PCDHA6: variants seen among roughly 807,000 people sequenced by gnomAD.
PCDHA6 encodes the protein protocadherin alpha 6.
A neutral mutation model predicts 60.3 loss-of-function variants in PCDHA6; 55 were observed. The ratio of observed to expected loss-of-function variants is 0.91; its 90% CI spans 0.73 to 1.14. The LOEUF (loss-of-function observed/expected upper bound fraction) is 1.14. Among genes scored for constraint, PCDHA6 ranks in the 50% most tolerant of loss-of-function variants. The pLI is 0.00. For synonymous variants in PCDHA6, 652 were observed against 557.9 expected (o/e 1.17, Z -2.38); for missense variants, 1,327 against 1,256.5 (o/e 1.06, Z -0.85).
rs114148884 is a variant in PCDHA6 at position 140,924,440 on chromosome 5, C to T, written c.2395-54509C>T. ...CTTTCTAGTTCCCTAGAAGAGATAA[C>T]GAATGGGTTTGTGTGTTTAGGGAGG... On this transcript the variant is annotated intron_variant, in intron 1 of 3. Coordinates refer to ENST00000529310, the MANE Select transcript of PCDHA6 (RefSeq NM_018909.4). Among the ~76,000 whole-genome samples, 538 of 152,252 alleles carry T rather than the reference C, an allele frequency of 3.5e-3. 4 individuals are homozygous for T. Among genetic ancestry groups the T allele is most frequent in the African/African-American group, 0.012 (480 of 41,540 alleles).
intron 1 of PCDHA6, among the ~76,000 whole-genome samples, chr5:140,965,508 T>C (rs1278735339): frequency 6.6e-6 from 1 of 152,124 alleles, no homozygotes; most frequent in Non-Finnish European, 1.5e-5. Context: ...TTTTTTTTTT[T>C]TTTAACTGCA....
At position 140,877,386 on chromosome 5, in the gene PCDHA6, T is replaced by G. The variant is rs782310487; in HGVS notation, c.2394+46901T>G. 5 of 1,613,816 alleles carry G rather than the reference T, an allele frequency of 3.1e-6. No individual in the cohort carries two copies. In the African/African-American group the frequency reaches 6.7e-5, roughly 22 times the overall value. On this transcript the variant is annotated intron_variant, in intron 1 of 3. Coordinates refer to ENST00000529310, the MANE Select transcript of PCDHA6 (RefSeq NM_018909.4). ...AGATCAGCACGACACGCATCCTGGA[T>G]GAGGCGGACGCTCCGCGCCACCGCC... is the stretch of plus-strand genomic sequence containing the variant.
chr5:140,967,775 G>A, intron 1 of PCDHA6: 2 of 1,614,200 alleles, frequency 1.2e-6, no homozygotes, highest in South Asian at 2.2e-5. Context: ...CTATGTGCAG[G>A]CGACTGACCG....
intron 1 of PCDHA6, chr5:140,835,872 C>T: frequency 6.2e-7 from 1 of 1,612,050 alleles, no homozygotes; most frequent in Non-Finnish European, 8.5e-7. Flanking sequence ...GCTGGTGGAG[C>T]TGCGGGTGGG....
At position 140,828,257 on chromosome 5, in the gene PCDHA6, C is replaced by G. The variant is rs2150153164; in HGVS notation, c.166C>G (p.Leu56Val). The part of the protein sequence containing the change: ...GRIAQDLGLE[L>V]AELVPRLFRM... ...GATCGCGCAGGACCTGGGGCTGGAG[C>G]TGGCGGAGCTGGTGCCGCGCCTGTT... Residue 56 changes from leucine to valine, a missense_variant, in exon 1 of 4, where the codon CTG (leucine) becomes GTG (valine). By Grantham distance (32) the Leu-to-Val change is conservative. Coordinates refer to ENST00000529310, the MANE Select transcript of PCDHA6 (RefSeq NM_018909.4). The G allele has an allele frequency of 1.9e-5, 31 of 1,613,872 alleles. No individual in the cohort carries two copies. The highest frequency in any genetic ancestry group is 2.5e-5 in the Non-Finnish European group (30 of 1,180,056).
chr5:140,862,882 G>T (rs782187514), intron 1 of PCDHA6: 2 of 564,526 alleles, frequency 3.5e-6, no homozygotes, highest in Non-Finnish European at 6.8e-6. Flanking sequence ...TATTAGTGCT[G>T]GAACGACAAC....
At chr5:140,869,304 G>A (rs1554162871) in intron 1 of PCDHA6, 3 of 1,613,648 alleles carry the variant, frequency 1.9e-6, no homozygotes, top group South Asian at 1.1e-5. Context: ...TCCGGGTGGC[G>A]TCCAAAACAC....
chr5:140,857,951 G>A (rs569786768), intron 1 of PCDHA6: 8 of 1,597,390 alleles, frequency 5.0e-6, no homozygotes, highest in East Asian at 4.5e-5. Flanking sequence ...TACGACGCGC[G>A]CTCTGGATGA....
chr5:140,828,934 T>G lies in PCDHA6; in HGVS notation c.843T>G (p.Phe281Leu). The G allele has an allele frequency of 6.2e-7, 1 of 1,614,266 alleles. No homozygotes were observed. The highest frequency in any genetic ancestry group is 8.5e-7 in the Non-Finnish European group (1 of 1,180,048). The part of the protein sequence containing the change: ...EGANGAISYS[F>L]NSLVAAMVID... ...CGAATGGGGCAATTTCATATTCTTT[T>G]AATAGCCTTGTTGCAGCCATGGTTA... Residue 281 changes from phenylalanine (F) to leucine (L), a missense_variant, in exon 1 of 4, where the codon TTT (phenylalanine) becomes TTG (leucine). Phe to Leu is a conservative substitution (Grantham distance 22). Coordinates refer to ENST00000529310, the MANE Select transcript of PCDHA6 (RefSeq NM_018909.4).
intron 1 of PCDHA6, among the ~76,000 whole-genome samples, chr5:140,838,110 GTGTGT>G (rs1775541794): frequency 6.7e-6 from 1 of 149,788 alleles, no homozygotes; most frequent in Admixed American, 6.7e-5. Flanking sequence ...GTGTGTGTGT[GTGTGT>G]GTGTGTGTGT....
intron 1 of PCDHA6, among the ~76,000 whole-genome samples, chr5:140,899,649 G>T (rs1405894081): frequency 6.6e-6 from 1 of 152,130 alleles, no homozygotes; most frequent in Non-Finnish European, 1.5e-5. Flanking sequence ...CTCTTATTTG[G>T]TTGTGTCTCT....
In PCDHA6 at chr5:140,835,249, T is replaced by TA. The variant is rs2150232715; in HGVS notation, c.2394+4768dup. ...TTCTCCAGTGATGTTTCTCCAGATA[T>TA]AAAATCCAAGTTCCACATGGACCCC... On this transcript the variant is annotated intron_variant, in intron 1 of 3. Transcript: ENST00000529310. 20 of 1,605,414 alleles carry TA rather than the reference T, an allele frequency of 1.2e-5. No homozygotes were observed. The South Asian group carries it at 1.7e-4, about 13-fold the overall frequency.
chr5:140,873,292 T>C (rs1399834963), intron 1 of PCDHA6, among the ~76,000 whole-genome samples: 1 of 152,210 alleles, frequency 6.6e-6, no homozygotes, highest in Admixed American at 6.5e-5. Context: ...TATGAAACTT[T>C]ATAAATATAA....
At position 140,850,869 on chromosome 5, in the gene PCDHA6, T is replaced by C. The variant is rs1204218607; in HGVS notation, c.2394+20384T>C. 3.3e-5 allele frequency: 52 copies of C among 1,591,956 alleles called. 5 individuals carry two copies. The highest frequency in any genetic ancestry group is 4.2e-5 in the Non-Finnish European group (49 of 1,163,508). ...AGAGCGAACGGGAGAACCCTCTGCT[T>C]CCTCAGATTCAACTGGGAAGGTGGG... On this transcript the variant is annotated intron_variant, in intron 1 of 3. Coordinates refer to ENST00000529310, the MANE Select transcript of PCDHA6 (RefSeq NM_018909.4).
At chr5:140,911,436 C>G (rs369054235) in intron 1 of PCDHA6, among the ~76,000 whole-genome samples, 14 of 152,124 alleles carry the variant, frequency 9.2e-5, no homozygotes, top group African/African-American at 2.4e-4. Flanking sequence ...TCCAATTTCC[C>G]GCAATTTCAG....
At chr5:140,870,034 G>GA in intron 1 of PCDHA6, 6 of 1,613,690 alleles carry the variant, frequency 3.7e-6, no homozygotes, top group Non-Finnish European at 5.1e-6. Flanking sequence ...AGATTATGAA[G>GA]AAAACAAGTT....
chr5:140,993,462 TCACA>T (rs3836747), intron 3 of PCDHA6, among the ~76,000 whole-genome samples: 18,508 of 140,892 alleles, frequency 0.13, 1,341 homozygotes, highest in African/African-American at 0.21. Flanking sequence ...TCTTTCTTTC[TCACA>T]CACACACACA....
chr5:140,857,458 C>A (rs782648266), intron 1 of PCDHA6: 1 of 1,598,670 alleles, frequency 6.3e-7, no homozygotes, highest in South Asian at 1.1e-5. Flanking sequence ...ACCCGCCAGG[C>A]TGCCACATCT....
At position 140,915,045 on chromosome 5, in the gene PCDHA6, A is replaced by G. The variant is rs989835419; in HGVS notation, c.2395-63904A>G. 2.0e-5 allele frequency among the ~76,000 whole-genome samples: 3 copies of G among 151,216 alleles called. No homozygotes were observed. In the East Asian group the frequency reaches 5.8e-4, roughly 29 times the overall value. On this transcript the variant is annotated intron_variant, in intron 1 of 3. Transcript: ENST00000529310. ...ACTGCAACTTCTGCCTCCTGGGTTC[A>G]AGCGATTCTCCTGCCTTAGCCTACT...
Sources: allele counts gnomAD v4.1 joint callset (sites outside exome capture counted in the v4.1 genomes callset), GRCh38; gene constraint gnomAD v4.1.1; transcripts MANE v1.5; gene names NCBI Gene and HGNC (gene_info 2026-07-23, HGNC 2026-07-21).